The following ASIC2 variants were observed in gnomAD, a reference collection of about 807,000 sequenced individuals.
ASIC2 encodes the protein acid-sensing ion channel 2.
Under a neutral mutation model 57.3 loss-of-function variants are expected in ASIC2, and 25 were observed. The ratio of observed to expected loss-of-function variants is 0.44; its 90% CI spans 0.32 to 0.61. The LOEUF is 0.61. Ranked by LOEUF, ASIC2 falls within the 20% of genes least tolerant of loss-of-function variation. ASIC2 has a pLI of 0.06. For missense variants in ASIC2, 641 were observed against 738.1 expected, an observed-to-expected ratio of 0.87 and a Z score of 1.52; for synonymous variants, 319 against 307.5, an observed-to-expected ratio of 1.04 and a Z score of -0.39.
At chr17:33,224,600 G>T (rs931198663) in intron 1 of ASIC2, among the ~76,000 whole-genome samples, 1 of 152,178 alleles carries the variant, frequency 6.6e-6, no homozygotes, top group Non-Finnish European at 1.5e-5. Flanking sequence ...GTGGAAACAG[G>T]GAGGAGGGGA....
At chr17:34,059,923 G>A (rs955148355) in intron 1 of ASIC2, among the ~76,000 whole-genome samples, 1 of 152,182 alleles carries the variant, frequency 6.6e-6, no homozygotes, top group East Asian at 1.9e-4. Context: ...GGTAGCAAAA[G>A]ACAAAGGACA....
chr17:33,995,196 C>G (rs1181884134), intron 1 of ASIC2, among the ~76,000 whole-genome samples: 2 of 152,176 alleles, frequency 1.3e-5, no homozygotes, highest in South Asian at 4.1e-4. Context: ...GAGATTTTAT[C>G]TCTCTGATAA....
At chr17:33,092,452 C>T (rs998163797) in intron 2 of ASIC2, among the ~76,000 whole-genome samples, 4 of 152,210 alleles carry the variant, frequency 2.6e-5, no homozygotes, top group Non-Finnish European at 5.9e-5. Flanking sequence ...TTGGAGGTTC[C>T]CAAGCTAGAA....
intron 1 of ASIC2, among the ~76,000 whole-genome samples, chr17:33,224,661 G>A (rs1907812340): frequency 6.6e-6 from 1 of 152,210 alleles, no homozygotes; most frequent in Admixed American, 6.5e-5. Flanking sequence ...GCCATTCAAT[G>A]AGGCAAGGAG....
At chr17:33,769,018 C>T (rs1235357488) in intron 1 of ASIC2, among the ~76,000 whole-genome samples, 2 of 152,222 alleles carry the variant, frequency 1.3e-5, no homozygotes, top group Non-Finnish European at 2.9e-5. Context: ...TCTCCACCCT[C>T]ACCATCCTTC....
intron 1 of ASIC2, among the ~76,000 whole-genome samples, chr17:33,543,752 A>G (rs1253374519): frequency 6.6e-6 from 1 of 152,218 alleles, no homozygotes; most frequent in Non-Finnish European, 1.5e-5. Context: ...AAGCATGAGG[A>G]GCCTGGGAGG....
At chr17:33,587,205 G>T (rs751026197) in intron 1 of ASIC2, among the ~76,000 whole-genome samples, 3 of 152,188 alleles carry the variant, frequency 2.0e-5, no homozygotes, top group Non-Finnish European at 2.9e-5. Flanking sequence ...CATATAGCCT[G>T]CAATGCTGGA....
chr17:34,155,958 G>A (rs1195156453), intron 1 of ASIC2: 1 of 1,584,266 alleles, frequency 6.3e-7, no homozygotes, highest in Non-Finnish European at 8.6e-7. Flanking sequence ...GACAGAGTGA[G>A]CTGAAAACCA....
rs547301152 is a variant in ASIC2 at position 33,964,668 on chromosome 17, C to A, written c.555+191310G>T. Among the ~76,000 whole-genome samples the A allele has an allele frequency of 7.9e-5, 12 of 152,338 alleles. No homozygotes were observed. In the South Asian group the frequency reaches 1.0e-3, roughly 13 times the overall value. On this transcript the variant is annotated intron_variant, in intron 1 of 9. Coordinates refer to the ASIC2 transcript ENST00000359872. The stretch of plus-strand genomic sequence containing the variant: ...TGACAGTATCTCCCAACCACCACCC[C>A]CTCTGCTGCTACACCCCATCTGGCC...
chr17:33,131,856 G>A (rs1350776381), intron 1 of ASIC2: 1 of 152,126 alleles, frequency 6.6e-6, no homozygotes, highest in Non-Finnish European at 1.5e-5. Context: ...AACATAAGTG[G>A]TAACCACCAA....
rs559426619 is a variant in ASIC2, at chr17:33,560,984, T to C, written c.556-448917A>G. ...CTCCCTGGTGTGCATCCTGTTTTTTTGTATGCAGTAGTAGGTGGCATACTT... is the reference window on the plus strand; with the variant it reads ...CTCCCTGGTGTGCATCCTGTTTTTTCGTATGCAGTAGTAGGTGGCATACTT... On this transcript the variant is annotated intron_variant, in intron 1 of 9. Coordinates refer to the ASIC2 transcript ENST00000359872. Among the ~76,000 whole-genome samples the C allele has an allele frequency of 3.9e-5, 6 of 152,296 alleles. No individual in the cohort carries two copies. In the South Asian group the frequency reaches 1.2e-3, roughly 32 times the overall value.
chr17:33,933,237 T>A (rs534881654), intron 1 of ASIC2, among the ~76,000 whole-genome samples: 27 of 152,336 alleles, frequency 1.8e-4, no homozygotes, highest in African/African-American at 6.3e-4. Flanking sequence ...AAGCCATCCC[T>A]GATTCACTTC....
intron 1 of ASIC2, among the ~76,000 whole-genome samples, chr17:33,595,313 G>A (rs1904947794): frequency 6.6e-6 from 1 of 152,236 alleles, no homozygotes; most frequent in Non-Finnish European, 1.5e-5. Context: ...CCACAGCTGG[G>A]ACGTCAGAGG....
intron 1 of ASIC2, among the ~76,000 whole-genome samples, chr17:33,172,063 C>T (rs958092567): frequency 6.6e-6 from 1 of 152,202 alleles, no homozygotes; most frequent in Non-Finnish European, 1.5e-5. Context: ...ATGTCTGTGT[C>T]CTCCACCAAG....
intron 1 of ASIC2, among the ~76,000 whole-genome samples, chr17:33,702,143 G>A (rs1908723033): frequency 6.6e-6 from 1 of 152,200 alleles, no homozygotes; most frequent in Non-Finnish European, 1.5e-5. Flanking sequence ...GTGAGTTTGT[G>A]TCTTGGCTTT....
chr17:33,334,088 C>G (rs1350167818), intron 1 of ASIC2, among the ~76,000 whole-genome samples: 1 of 152,182 alleles, frequency 6.6e-6, no homozygotes, highest in East Asian at 1.9e-4. Flanking sequence ...GTCCCAGAAG[C>G]ACAACTATTT....
intron 1 of ASIC2, among the ~76,000 whole-genome samples, chr17:34,034,802 T>C (rs1238778367): frequency 8.6e-5 from 13 of 151,880 alleles, no homozygotes; most frequent in Non-Finnish European, 1.3e-4. Flanking sequence ...ATCCAACTTA[T>C]AAGGGATGTG....
At chr17:33,362,342 G>A (rs1264771610) in intron 1 of ASIC2, among the ~76,000 whole-genome samples, 1 of 152,222 alleles carries the variant, frequency 6.6e-6, no homozygotes, top group Non-Finnish European at 1.5e-5. Flanking sequence ...GGGGTGGAGG[G>A]TGGTGCAGCT....
intron 1 of ASIC2, among the ~76,000 whole-genome samples, chr17:34,129,894 T>C (rs1911900377): frequency 6.6e-6 from 1 of 152,078 alleles, no homozygotes; most frequent in African/African-American, 2.4e-5. Flanking sequence ...CCTCCAGACA[T>C]ACCATGTCCT....
Sources: gnomAD v4.1 joint callset for allele counts (sites outside exome capture counted in the v4.1 genomes callset) on GRCh38, gnomAD v4.1.1 for gene constraint, MANE v1.5 for transcripts, NCBI Gene and HGNC (gene_info 2026-07-23, HGNC 2026-07-21) for gene names.